The following IQCJ variants were observed in gnomAD, a reference collection of about 807,000 sequenced individuals.
The protein encoded by IQCJ is IQ domain-containing protein J.
A neutral mutation model predicts 11.0 loss-of-function variants in IQCJ; 9 were observed. The ratio of observed to expected loss-of-function variants is 0.82; its 90% CI spans 0.49 to 1.43. The LOEUF (loss-of-function observed/expected upper bound fraction) is 1.43. Ranked by LOEUF, IQCJ falls within the 40% of genes most tolerant of loss-of-function variation. The pLI, the probability that IQCJ is intolerant of heterozygous loss-of-function variation, is 0.00. For missense variants in IQCJ, 146 were observed against 133.2 expected (o/e 1.10, Z -0.47); for synonymous variants, 55 against 51.3 (o/e 1.07, Z -0.31).
chr3:159,242,703 C>T (rs1727004601), intron 1 of IQCJ, among the ~76,000 whole-genome samples: 1 of 151,620 alleles, frequency 6.6e-6, no homozygotes, highest in Admixed American at 6.6e-5. Flanking sequence ...AATTAATTGA[C>T]CATACACCTG....
chr3:159,173,245 G>A (rs1005856765), intron 1 of IQCJ, among the ~76,000 whole-genome samples: 3 of 152,110 alleles, frequency 2.0e-5, no homozygotes, highest in Non-Finnish European at 4.4e-5. Flanking sequence ...ATTCCTTAAT[G>A]CTAGATTCTT....
intron 1 of IQCJ, among the ~76,000 whole-genome samples, chr3:159,209,041 C>A (rs1016322483): frequency 6.6e-6 from 1 of 152,196 alleles, no homozygotes; most frequent in Non-Finnish European, 1.5e-5. Context: ...CCTGAACCCA[C>A]GGCCCTAAAT....
chr3:159,250,471 A>G (rs906239014), intron 2 of IQCJ, among the ~76,000 whole-genome samples: 7 of 152,198 alleles, frequency 4.6e-5, no homozygotes, highest in African/African-American at 1.2e-4. Context: ...CCTTTCTCAC[A>G]CTGCTATGAA....
chr3:159,125,999 G>C (rs975864204), intron 1 of IQCJ, among the ~76,000 whole-genome samples: 1 of 152,222 alleles, frequency 6.6e-6, no homozygotes, highest in African/African-American at 2.4e-5. Context: ...GCTTCTCCCA[G>C]AAAGTTATGC....
At chr3:159,156,638 T>C (rs1721535892) in intron 1 of IQCJ, among the ~76,000 whole-genome samples, 2 of 152,204 alleles carry the variant, frequency 1.3e-5, no homozygotes, top group Admixed American at 6.5e-5. Flanking sequence ...CTTTCAACAC[T>C]AAGGCATTTC....
intron 2 of IQCJ, among the ~76,000 whole-genome samples, chr3:159,251,527 C>G (rs1346265974): frequency 1.3e-5 from 2 of 151,982 alleles, no homozygotes; most frequent in East Asian, 3.9e-4. Context: ...TGGTGGGTCA[C>G]CACTGACCTT....
intron 1 of IQCJ, among the ~76,000 whole-genome samples, chr3:159,155,714 A>G (rs1378474123): frequency 1.3e-5 from 2 of 152,234 alleles, no homozygotes; most frequent in Non-Finnish European, 2.9e-5. Flanking sequence ...GCCAATTTCA[A>G]TTAGCCTTTT....
At chr3:159,208,608 G>A (rs1281238647) in intron 1 of IQCJ, among the ~76,000 whole-genome samples, 1 of 152,090 alleles carries the variant, frequency 6.6e-6, no homozygotes, top group African/African-American at 2.4e-5. Flanking sequence ...TTTTGCAAAG[G>A]GGAATTTTCT....
chr3:159,261,141 T>C (rs1238532956), intron 3 of IQCJ, among the ~76,000 whole-genome samples: 1 of 152,208 alleles, frequency 6.6e-6, no homozygotes, highest in Non-Finnish European at 1.5e-5. Flanking sequence ...TGAGAATAAA[T>C]AAGTTTGTTG....
chr3:159,196,969 C>G (rs962947008), intron 1 of IQCJ, among the ~76,000 whole-genome samples: 2 of 151,682 alleles, frequency 1.3e-5, no homozygotes, highest in Non-Finnish European at 2.9e-5. Context: ...CTTCTGTGTC[C>G]CACCCACCCC....
At chr3:159,152,005 C>T (rs1293421523) in intron 1 of IQCJ, among the ~76,000 whole-genome samples, 1 of 152,196 alleles carries the variant, frequency 6.6e-6, no homozygotes, top group Non-Finnish European at 1.5e-5. Context: ...GTTCCCACTA[C>T]CCTTCCCAGC....
At chr3:159,252,830 T>C in intron 3 of IQCJ, 23 bp downstream of exon 3, 1 of 1,599,106 alleles carries the variant, frequency 6.3e-7, no homozygotes, top group Non-Finnish European at 8.5e-7. Context: ...AAAGTATAAA[T>C]TAAGCAATTA....
chr3:159,117,853 G>A (rs996518283), intron 1 of IQCJ, among the ~76,000 whole-genome samples: 4 of 152,186 alleles, frequency 2.6e-5, no homozygotes, highest in African/African-American at 4.8e-5. Flanking sequence ...GTTTTTACAC[G>A]TTTATAACTT....
rs141031175 is a variant in IQCJ at position 159,094,848 on chromosome 3, T to C, written c.9+25407T>C. ...ATTATCCATGTTGGTTGATGTAACT[T>C]CATTCTCATCATAAGCAAGTTGATA... On this transcript the variant is annotated intron_variant, in intron 1 of 3. Coordinates refer to ENST00000397832, the MANE Select transcript of IQCJ (RefSeq NM_001042706.3). 6.6e-4 allele frequency among the ~76,000 whole-genome samples: 101 copies of C among 151,992 alleles called. No homozygotes were observed. The East Asian group carries it at 0.016, about 24-fold the overall frequency.
intron 1 of IQCJ, among the ~76,000 whole-genome samples, chr3:159,120,933 T>G (rs1327610666): frequency 6.8e-6 from 1 of 147,252 alleles, no homozygotes; most frequent in African/African-American, 2.6e-5. Flanking sequence ...TCTCCAGACA[T>G]TTTTTTTTTC....
intron 1 of IQCJ, among the ~76,000 whole-genome samples, chr3:159,125,987 C>A (rs1444537542): frequency 6.6e-6 from 1 of 152,210 alleles, no homozygotes; most frequent in African/African-American, 2.4e-5. Flanking sequence ...GCAAGTACAG[C>A]GGCTTCTCCC....
At chr3:159,079,575 C>A (rs1716169651) in intron 1 of IQCJ, among the ~76,000 whole-genome samples, 1 of 151,906 alleles carries the variant, frequency 6.6e-6, no homozygotes, top group Non-Finnish European at 1.5e-5. Context: ...TCCTTAGAAG[C>A]ATTTCATATT....
intron 1 of IQCJ, among the ~76,000 whole-genome samples, chr3:159,154,181 T>C (rs1482923538): frequency 6.6e-6 from 1 of 152,222 alleles, no homozygotes; most frequent in East Asian, 1.9e-4. Flanking sequence ...GAGGGGATGA[T>C]AAAAATCATT....
In IQCJ at chr3:159,215,713, T is replaced by C. The variant is rs146953428; in HGVS notation, c.10-30130T>C. 6.4e-3 allele frequency among the ~76,000 whole-genome samples: 971 copies of C among 152,258 alleles called. 7 individuals are homozygous for C. Among genetic ancestry groups the C allele is most frequent in the African/African-American group, 0.022 (925 of 41,548 alleles). Reference sequence around the variant, plus strand: ...GTAGGCAAGAATTATTTTGCATTGCTATCAGTTATCTACAATTTTCAGACT... The same window carrying C: ...GTAGGCAAGAATTATTTTGCATTGCCATCAGTTATCTACAATTTTCAGACT... On this transcript the variant is annotated intron_variant, in intron 1 of 3. Coordinates refer to ENST00000397832, the MANE Select transcript of IQCJ (RefSeq NM_001042706.3).
Sources: gnomAD v4.1 joint callset for allele counts (sites outside exome capture counted in the v4.1 genomes callset) on GRCh38, gnomAD v4.1.1 for gene constraint, MANE v1.5 for transcripts, NCBI Gene and HGNC (gene_info 2026-07-23, HGNC 2026-07-21) for gene names.